STK24: variants seen among roughly 807,000 people sequenced by gnomAD.
STK24 encodes serine/threonine-protein kinase 24.
STK24 carries 21 observed loss-of-function variants against 55.6 expected under a neutral mutation model. That is an observed-to-expected ratio of 0.38 (90% CI 0.27 to 0.54). STK24 has a LOEUF of 0.54. Among genes scored for constraint, STK24 ranks in the 20% least tolerant of loss-of-function variants. STK24 has a pLI of 0.79. For synonymous variants in STK24, 200 were observed against 215.2 expected (o/e 0.93, Z 0.62); for missense variants, 383 against 538.4 (o/e 0.71, Z 2.86).
chr13:98,527,802 G>C (rs939169714), intron 1 of STK24, among the ~76,000 whole-genome samples: 7 of 152,330 alleles, frequency 4.6e-5, no homozygotes, highest in Admixed American at 2.6e-4. Context: ...CGGGAGACCA[G>C]AGGGGTTCAG....
intron 1 of STK24, among the ~76,000 whole-genome samples, chr13:98,567,989 C>T (rs116669452): frequency 0.012 from 1,698 of 146,358 alleles, 37 homozygotes; most frequent in African/African-American, 0.041. Flanking sequence ...ACCGGAGGTG[C>T]AGAAAACAGA....
chr13:98,486,281 C>T (rs7323291), intron 2 of STK24, among the ~76,000 whole-genome samples: 46,450 of 151,478 alleles, frequency 0.31, 7,561 homozygotes, highest in African/African-American at 0.41. Context: ...ACATGTGGGC[C>T]GCACTCGCGC....
At chr13:98,527,517 C>T (rs987727896) in intron 1 of STK24, among the ~76,000 whole-genome samples, 21 of 152,196 alleles carry the variant, frequency 1.4e-4, no homozygotes, top group East Asian at 3.9e-4. Flanking sequence ...CAAGAGCATC[C>T]GAGGGAGCCC....
intron 5 of STK24, among the ~76,000 whole-genome samples, chr13:98,468,911 T>C (rs1031996621): frequency 6.6e-6 from 1 of 152,228 alleles, no homozygotes; most frequent in African/African-American, 2.4e-5. Flanking sequence ...ATTGTGCTAC[T>C]GAACATGATC....
chr13:98,542,908 G>C (rs1200540885), intron 1 of STK24: 1 of 985,278 alleles, frequency 1.0e-6, no homozygotes. Context: ...ACCAGAACAC[G>C]CGGCCTGACA....
chr13:98,485,360 GTCT>G (rs1295623383), intron 2 of STK24, among the ~76,000 whole-genome samples: 1 of 152,224 alleles, frequency 6.6e-6, no homozygotes, highest in Non-Finnish European at 1.5e-5. Flanking sequence ...AATCAAAGCT[GTCT>G]TCTTGTGCTC....
rs1259136367 is a variant in STK24 at position 98,446,686 on chromosome 13, C to A, written c.*6487G>T. ...TCCAGGACAATCATCCCCTTGCCAG[C>A]CTGCCTCTGCTCGGCTACTCGCTCA... On this transcript the variant is annotated 3_prime_UTR_variant, in exon 11 of 11. Coordinates refer to ENST00000539966, the MANE Select transcript of STK24 (RefSeq NM_001032296.4). The A allele has an allele frequency of 6.2e-7, 1 of 1,614,016 alleles. No homozygotes were observed. The highest frequency in any genetic ancestry group is 8.5e-7 in the Non-Finnish European group (1 of 1,180,016).
chr13:98,542,207 C>T (rs534146582), intron 1 of STK24, among the ~76,000 whole-genome samples: 4 of 152,208 alleles, frequency 2.6e-5, no homozygotes, highest in African/African-American at 7.2e-5. Context: ...CCGACCCTAG[C>T]GCTGACTGAT....
At chr13:98,525,983 C>T (rs550097789) in intron 1 of STK24, among the ~76,000 whole-genome samples, 2 of 152,276 alleles carry the variant, frequency 1.3e-5, no homozygotes, top group South Asian at 4.1e-4. Flanking sequence ...GGTTAAGAGC[C>T]ACCACGCCCG....
intron 9 of STK24, among the ~76,000 whole-genome samples, chr13:98,457,584 C>T (rs1386912966): frequency 6.6e-6 from 1 of 151,762 alleles, no homozygotes; most frequent in Non-Finnish European, 1.5e-5. Context: ...ATTCTCCTGC[C>T]TCAGCCTCCC....
intron 2 of STK24, among the ~76,000 whole-genome samples, chr13:98,486,535 T>A (rs1421179934): frequency 6.6e-6 from 1 of 152,180 alleles, no homozygotes; most frequent in African/African-American, 2.4e-5. Context: ...ACCCCAGCAC[T>A]GACTTTTGGA....
At chr13:98,531,263 A>G (rs1371371894) in intron 1 of STK24, among the ~76,000 whole-genome samples, 1 of 152,214 alleles carries the variant, frequency 6.6e-6, no homozygotes, top group Non-Finnish European at 1.5e-5. Flanking sequence ...CTGAAAATCA[A>G]GCTGTCCTTT....
chr13:98,532,471 C>T (rs1896606724), intron 1 of STK24, among the ~76,000 whole-genome samples: 2 of 151,582 alleles, frequency 1.3e-5, no homozygotes, highest in African/African-American at 4.9e-5. Context: ...CCACCACACA[C>T]CCATCCCACA....
intron 5 of STK24, among the ~76,000 whole-genome samples, chr13:98,467,317 G>T (rs56861299): frequency 6.6e-6 from 1 of 151,944 alleles, no homozygotes; most frequent in Admixed American, 6.6e-5. Context: ...GAGTATTTCC[G>T]TGTGCCAATA....
chr13:98,535,361 C>CA lies in STK24; in HGVS notation c.43-15889dup, dbSNP rs34537903. Among the ~76,000 whole-genome samples, 364 of 64,118 alleles carry CA rather than the reference C, an allele frequency of 5.7e-3. 2 individuals are homozygous for CA. The highest frequency in any genetic ancestry group is 0.011 in the Admixed American group (71 of 6,416). The allele number at this position is 64,118 out of a possible 152,430, so 42.1% of individuals were successfully genotyped here. On this transcript the variant is annotated intron_variant, in intron 1 of 10. Transcript: ENST00000539966. ...TCAAACAAACAAACAAACAAACAAA[C>CA]AAAAAAAAAATATATATATATATAT... is the stretch of plus-strand genomic sequence containing the variant.
At chr13:98,540,184 G>C (rs187810810) in intron 1 of STK24, among the ~76,000 whole-genome samples, 29 of 152,350 alleles carry the variant, frequency 1.9e-4, no homozygotes, top group Admixed American at 1.8e-3. Context: ...CTACAAAGTA[G>C]ATGCAGAATT....
intron 10 of STK24, chr13:98,454,133 T>C (rs1893337725): frequency 6.6e-6 from 1 of 152,218 alleles, no homozygotes; most frequent in South Asian, 2.1e-4. Context: ...AAAAATCTTC[T>C]TTGCACTATA....
At chr13:98,555,511 G>A (rs1451103582) in intron 1 of STK24, among the ~76,000 whole-genome samples, 3 of 151,300 alleles carry the variant, frequency 2.0e-5, no homozygotes, top group African/African-American at 4.9e-5. Flanking sequence ...CCCGGGAGGC[G>A]GAGCTTGCAG....
chr13:98,505,220 C>T (rs74109153), intron 2 of STK24, among the ~76,000 whole-genome samples: 2,672 of 152,324 alleles, frequency 0.018, 85 homozygotes, highest in African/African-American at 0.061. Flanking sequence ...AGGCTTCATG[C>T]CACACCTCAG....
Sources: gnomAD v4.1 joint callset for allele counts (sites outside exome capture counted in the v4.1 genomes callset) on GRCh38, gnomAD v4.1.1 for gene constraint, MANE v1.5 for transcripts, NCBI Gene and HGNC (gene_info 2026-07-23, HGNC 2026-07-21) for gene names.